The following FBRSL1 variants were observed in gnomAD, a reference collection of about 807,000 sequenced individuals.
FBRSL1 encodes fibrosin-1-like protein.
Under a neutral mutation model 89.6 loss-of-function variants are expected in FBRSL1, and 51 were observed. The ratio of observed to expected loss-of-function variants is 0.57; its 90% CI spans 0.45 to 0.72. FBRSL1 has a LOEUF of 0.72. FBRSL1 is among the 30% of genes least tolerant of loss of function. The pLI is 0.00. For synonymous variants in FBRSL1, 779 were observed against 681.1 expected (o/e 1.14, Z -2.24); for missense variants, 1,618 against 1,451.8 (o/e 1.11, Z -1.86).
intron 2 of FBRSL1, chr12:132,511,828 C>T (rs2034373857): frequency 1.0e-6 from 1 of 984,136 alleles, no homozygotes; most frequent in African/African-American, 1.7e-5. Context: ...CTCCGGGCCC[C>T]CTCGCTCCCC....
intron 1 of FBRSL1, among the ~76,000 whole-genome samples, chr12:132,501,071 G>A (rs2032887255): frequency 6.6e-6 from 1 of 152,234 alleles, no homozygotes; most frequent in Non-Finnish European, 1.5e-5. Context: ...CACTGCCAGG[G>A]AGGGGACCCT....
At chr12:132,520,707 G>A (rs2035277553) in intron 2 of FBRSL1, among the ~76,000 whole-genome samples, 1 of 152,180 alleles carries the variant, frequency 6.6e-6, no homozygotes. Flanking sequence ...CGGGACAGAG[G>A]GGCCCCAGAG....
chr12:132,582,325 C>T (rs2040818376), intron 18 of FBRSL1, 59 bp downstream of exon 18: 2 of 1,431,662 alleles, frequency 1.4e-6, no homozygotes, highest in Non-Finnish European at 1.9e-6. Flanking sequence ...TCTTTCCCCC[C>T]TCCCGTCATC....
At position 132,508,276 on chromosome 12, in the gene FBRSL1, G is replaced by A. The variant is rs1593274646; in HGVS notation, c.415G>A (p.Ala139Thr). 1 of 1,550,348 alleles carries A rather than the reference G, an allele frequency of 6.5e-7. No individual in the cohort carries two copies. Among genetic ancestry groups the A allele is most frequent in the East Asian group, 2.4e-5 (1 of 40,884 alleles). Residue 139 changes from alanine to threonine, a missense_variant, in exon 2 of 19, where the codon GCA becomes ACA. Transcript: ENST00000680143. Reference protein sequence around the residue: ...EPSENRRPLEAGSPGQDLEPA... With the variant: ...EPSENRRPLETGSPGQDLEPA... Reference sequence around the variant, plus strand: ...CAGTGAGAACAGGCGGCCCCTGGAGGCAGGCAGCCCCGGGCAGGACCTCGA... The same window carrying A: ...CAGTGAGAACAGGCGGCCCCTGGAGACAGGCAGCCCCGGGCAGGACCTCGA...
Position 132,583,723 on chromosome 12 carries a change from G to A in FBRSL1, c.2954G>A (p.Gly985Asp), listed in dbSNP as rs2040959453. The change falls in exon 19 of 19, where the codon GGC (glycine) becomes GAC (aspartate). Residue 985 changes from glycine to aspartate, a missense_variant. Gly to Asp is a moderately conservative substitution (Grantham distance 94). Coordinates refer to ENST00000680143, the MANE Select transcript of FBRSL1 (RefSeq NM_001367871.1). ...ACTCCGCTGGGGGGCCTCGGGCCGG[G>A]CGAGGCGCGCGACTACTCCCCGTCC... ...RTTPLGGLGPGEARDYSPSRN... is the reference protein window; with the variant it reads ...RTTPLGGLGPDEARDYSPSRN... 39 of 1,212,834 alleles carry A rather than the reference G, an allele frequency of 3.2e-5. No homozygotes were observed. Among genetic ancestry groups the A allele is most frequent in the South Asian group, 4.1e-5 (1 of 24,192 alleles). The allele number at this position is 1,212,834 out of a possible 1,614,324, so 75.1% of individuals were successfully genotyped here.
At chr12:132,560,984 G>T (rs1224693537) in intron 5 of FBRSL1, among the ~76,000 whole-genome samples, 1 of 152,192 alleles carries the variant, frequency 6.6e-6, no homozygotes, top group Non-Finnish European at 1.5e-5. Flanking sequence ...CTGAGGGACC[G>T]CGTGGAGGAA....
chr12:132,541,440 C>A (rs970201076), intron 4 of FBRSL1, among the ~76,000 whole-genome samples: 1 of 152,226 alleles, frequency 6.6e-6, no homozygotes, highest in African/African-American at 2.4e-5. Flanking sequence ...TGCACCCCCC[C>A]ACCCCGGGGA....
chr12:132,556,192 G>A (rs1203582859), intron 5 of FBRSL1, among the ~76,000 whole-genome samples: 1 of 152,146 alleles, frequency 6.6e-6, no homozygotes, highest in Non-Finnish European at 1.5e-5. Context: ...CCGACATTCC[G>A]GGTGGAGATG....
chr12:132,536,608 G>A (rs2036770718), intron 4 of FBRSL1, among the ~76,000 whole-genome samples: 2 of 151,334 alleles, frequency 1.3e-5, no homozygotes, highest in African/African-American at 4.9e-5. Context: ...ACATGACGGT[G>A]TGTGTGTGAG....
At chr12:132,580,510 C>T (rs1285795953) in intron 15 of FBRSL1, among the ~76,000 whole-genome samples, 3 of 152,206 alleles carry the variant, frequency 2.0e-5, no homozygotes, top group African/African-American at 7.2e-5. Flanking sequence ...ATATTAATTC[C>T]TCAGCCTCTC....
Position 132,583,140 on chromosome 12 carries a change from G to A in FBRSL1, c.2371G>A (p.Glu791Lys), listed in dbSNP as rs1439737828. The change falls in exon 19 of 19, where the codon GAG becomes AAG. Residue 791 changes from glutamate to lysine, a missense_variant. Glu to Lys is a moderately conservative substitution (Grantham distance 56). Coordinates refer to ENST00000680143, the MANE Select transcript of FBRSL1 (RefSeq NM_001367871.1). ...RVKESRSPAK[E>K]EAAKMPARAS... ...CAAGGAGAGCCGCTCCCCGGCCAAG[G>A]AGGAGGCCGCCAAGATGCCCGCGCG... The A allele has an allele frequency of 2.0e-6, 3 of 1,464,736 alleles. No homozygotes were observed. Among genetic ancestry groups the A allele is most frequent in the Non-Finnish European group, 2.7e-6 (3 of 1,112,624 alleles). The allele number at this position is 1,464,736 out of a possible 1,614,324, so 90.7% of individuals were successfully genotyped here. A position where few individuals can be genotyped will look rare whatever the true frequency, so the allele number is the denominator to read the frequency against.
At chr12:132,493,498 G>A (rs1330861777) in intron 1 of FBRSL1, among the ~76,000 whole-genome samples, 1 of 152,166 alleles carries the variant, frequency 6.6e-6, no homozygotes, top group African/African-American at 2.4e-5. Context: ...CCAACTCTCG[G>A]CCCCAGCCCT....
chr12:132,555,775 A>G (rs2038586294), intron 5 of FBRSL1, among the ~76,000 whole-genome samples: 1 of 152,138 alleles, frequency 6.6e-6, no homozygotes, highest in Admixed American at 6.5e-5. Flanking sequence ...TCTCCTCAAA[A>G]TGACGCCAGT....
chr12:132,545,284 G>A (rs1363184142), intron 4 of FBRSL1, among the ~76,000 whole-genome samples: 3 of 152,224 alleles, frequency 2.0e-5, no homozygotes, highest in Non-Finnish European at 2.9e-5. Context: ...CCCCGGCGCC[G>A]TGAATGGTCG....
Position 132,582,953 on chromosome 12 carries a change from C to G in FBRSL1, c.2202-18C>G. On this transcript the variant is annotated intron_variant, in intron 18 of 18. Coordinates refer to ENST00000680143, the MANE Select transcript of FBRSL1 (RefSeq NM_001367871.1). ...GACGGAGGTCTCGGGAGTGACGGGTCCGCCCTGCCGCCCCCAGGGACCTCC... is the reference window on the plus strand; with the variant it reads ...GACGGAGGTCTCGGGAGTGACGGGTGCGCCCTGCCGCCCCCAGGGACCTCC... 1.4e-6 allele frequency: 2 copies of G among 1,396,016 alleles called. No individual in the cohort carries two copies. The highest frequency in any genetic ancestry group is 1.8e-6 in the Non-Finnish European group (2 of 1,084,094). The allele number at this position is 1,396,016 out of a possible 1,614,324, so 86.5% of individuals were successfully genotyped here.
Position 132,546,961 on chromosome 12 carries a change from G to A in FBRSL1, c.616-1042G>A, listed in dbSNP as rs888257079. Among the ~76,000 whole-genome samples, 1 of 152,242 alleles carries A rather than the reference G, an allele frequency of 6.6e-6. No homozygotes were observed. Among genetic ancestry groups the A allele is most frequent in the South Asian group, 2.1e-4 (1 of 4,830 alleles). The stretch of plus-strand genomic sequence containing the variant: ...AACCCAGTGGGCTCCACATAGGAGG[G>A]CGCCGCCCACACATCCGGCTGGCAC... On this transcript the variant is annotated intron_variant, in intron 4 of 18. Transcript: ENST00000680143. The surrounding 1 kb of genome is among the most constrained non-coding windows in gnomAD (Gnocchi z 4.0).
rs949783312 is a variant in FBRSL1 at position 132,583,083 on chromosome 12, G to C, written c.2314G>C (p.Ala772Pro). 5.5e-6 allele frequency: 8 copies of C among 1,445,658 alleles called. No individual in the cohort carries two copies. Among genetic ancestry groups the C allele is most frequent in the Admixed American group, 2.6e-5 (1 of 38,598 alleles). 89.6% of individuals were successfully genotyped at this position (1,445,658 alleles called of 1,614,324 possible). A position where few individuals can be genotyped will look rare whatever the true frequency, so the allele number is the denominator to read the frequency against. Reference sequence around the variant, plus strand: ...CCAGAGCGAGCTGGGCCGGTCCGGGGCCCCCGCGGAGCGCGAGGCCGAACC... The same window carrying C: ...CCAGAGCGAGCTGGGCCGGTCCGGGCCCCCCGCGGAGCGCGAGGCCGAACC... Reference protein sequence around the residue: ...RAQSELGRSGAPAEREAEPRV... With the variant: ...RAQSELGRSGPPAEREAEPRV... The change falls in exon 19 of 19, where the codon GCC becomes CCC. Residue 772 changes from alanine to proline, a missense_variant. Ala to Pro is a conservative substitution (Grantham distance 27). Coordinates refer to ENST00000680143, the MANE Select transcript of FBRSL1 (RefSeq NM_001367871.1).
At chr12:132,567,421 C>A in intron 5 of FBRSL1, 60 bp from the exon 6 acceptor site, 1 of 1,516,464 alleles carries the variant, frequency 6.6e-7, no homozygotes, top group South Asian at 1.2e-5. Flanking sequence ...GCATTGGGCG[C>A]AAGGTCCACG....
At chr12:132,519,140 C>CTT (rs2035125672) in intron 2 of FBRSL1, among the ~76,000 whole-genome samples, 1 of 152,276 alleles carries the variant, frequency 6.6e-6, no homozygotes. Context: ...GCCTGAGTCC[C>CTT]TGTTTACTGT....
Sources: gnomAD v4.1 joint callset for allele counts (sites outside exome capture counted in the v4.1 genomes callset) on GRCh38, gnomAD v4.1.1 for gene constraint, Gnocchi (gnomAD v3.1) non-coding constraint, MANE v1.5 for transcripts, NCBI Gene and HGNC (gene_info 2026-07-23, HGNC 2026-07-21) for gene names.